Variants in ASTN2 observed in about 807,000 individuals in gnomAD.
ASTN2 encodes astrotactin-2.
In ASTN2, 54 loss-of-function variants were observed where a neutral mutation model predicts 139.8. The ratio of observed to expected loss-of-function variants is 0.39; its 90% confidence interval spans 0.31 to 0.48. The LOEUF is 0.48. Ranked by LOEUF, ASTN2 falls within the 20% of genes least tolerant of loss-of-function variation. The pLI is 0.95. For synonymous variants in ASTN2, 756 were observed against 719.5 expected (o/e 1.05, Z -0.81); for missense variants, 1,565 against 1,725.1 (o/e 0.91, Z 1.64).
At chr9:116,544,481 A>T (rs557938383) in intron 19 of ASTN2, among the ~76,000 whole-genome samples, 1 of 152,310 alleles carries the variant, frequency 6.6e-6, no homozygotes, top group South Asian at 2.1e-4. Context: ...TAAAATTTTT[A>T]GCAGTTATTT....
At chr9:117,001,153 G>T (rs1291557905) in intron 7 of ASTN2, among the ~76,000 whole-genome samples, 1 of 152,132 alleles carries the variant, frequency 6.6e-6, no homozygotes, top group Non-Finnish European at 1.5e-5. Context: ...TGTCACTTGG[G>T]AGAAAAAATT....
intron 3 of ASTN2, among the ~76,000 whole-genome samples, chr9:117,154,964 A>T (rs960680751): frequency 6.6e-6 from 1 of 152,064 alleles, no homozygotes; most frequent in African/African-American, 2.4e-5. Flanking sequence ...AGTGAGTGAC[A>T]TTATGGAGAG....
intron 11 of ASTN2, among the ~76,000 whole-genome samples, chr9:116,829,787 A>G (rs770342360): frequency 6.6e-6 from 1 of 152,222 alleles, no homozygotes; most frequent in Non-Finnish European, 1.5e-5. Flanking sequence ...AATCCAAATC[A>G]TATCACTGGT....
In ASTN2 at chr9:116,975,227, C is replaced by T. The variant is rs371978272; in HGVS notation, c.1870G>A (p.Glu624Lys). 24 of 1,612,424 alleles carry T rather than the reference C, an allele frequency of 1.5e-5. No individual in the cohort carries two copies. Among genetic ancestry groups the T allele is most frequent in the Non-Finnish European group, 2.0e-5 (24 of 1,179,162 alleles). Residue 624 changes from glutamate to lysine, a missense_variant, in exon 10 of 23, where the codon GAA (glutamate) becomes AAA (lysine). This residue lies in a region of ASTN2 where 503 missense variants were observed against 591.7 expected (regional missense o/e 0.85). Coordinates refer to ENST00000313400, the MANE Select transcript of ASTN2 (RefSeq NM_001365068.1). ...CCCTACCTGACATCTGCAGGGTCTT[C>T]CGTGACGAGCACATCGGTCTTGCAG... ...ASCKTDVLVT[E>K]DPADVREEAM...
At chr9:117,098,411 G>A (rs1481900819) in intron 4 of ASTN2, among the ~76,000 whole-genome samples, 1 of 152,138 alleles carries the variant, frequency 6.6e-6, no homozygotes, top group Non-Finnish European at 1.5e-5. Flanking sequence ...TCAGTTTAAG[G>A]CTCTGTAAAA....
chr9:116,824,512 CA>C (rs1831571911), intron 11 of ASTN2, among the ~76,000 whole-genome samples: 1 of 152,174 alleles, frequency 6.6e-6, no homozygotes. Context: ...GGCCTGCCAG[CA>C]AAACATGAGT....
intron 4 of ASTN2, among the ~76,000 whole-genome samples, chr9:117,103,041 C>T (rs916097014): frequency 1.3e-5 from 2 of 152,040 alleles, no homozygotes; most frequent in African/African-American, 4.8e-5. Flanking sequence ...GGAGTCCTAG[C>T]CCAGTGTGTG....
chr9:116,716,123 G>A (rs1249782641), intron 16 of ASTN2, among the ~76,000 whole-genome samples: 2 of 152,132 alleles, frequency 1.3e-5, no homozygotes, highest in East Asian at 3.8e-4. Context: ...GCTCCCTCAG[G>A]CCCTGCATCT....
At chr9:116,662,279 T>C (rs529169570) in intron 16 of ASTN2, among the ~76,000 whole-genome samples, 1 of 152,178 alleles carries the variant, frequency 6.6e-6, no homozygotes, top group African/African-American at 2.4e-5. Flanking sequence ...GTTGTTGAGA[T>C]TTAAGATAAC....
rs537710975 is a variant in ASTN2 at position 116,661,939 on chromosome 9, C to G, written c.2807-10146G>C. Among the ~76,000 whole-genome samples the G allele has an allele frequency of 9.9e-5, 15 of 151,414 alleles. No individual in the cohort carries two copies. The South Asian group carries it at 3.1e-3, about 32-fold the overall frequency. ...ATGATGAGTTAATGGGTGCAGCACA[C>G]CAACATGGCACATGTATACATATGT... On this transcript the variant is annotated intron_variant, in intron 16 of 22. Transcript: ENST00000313400.
chr9:117,087,479 T>TG (rs1828597750), intron 5 of ASTN2, among the ~76,000 whole-genome samples: 1 of 152,152 alleles, frequency 6.6e-6, no homozygotes, highest in Admixed American at 6.5e-5. Context: ...CCACCCACCC[T>TG]GGCCTCCCAA....
intron 2 of ASTN2, among the ~76,000 whole-genome samples, chr9:117,215,472 T>TATATATATATATA (rs1554792028): frequency 0.012 from 1,750 of 144,958 alleles, 32 homozygotes; most frequent in African/African-American, 0.022. Flanking sequence ...TCAACTGATA[T>TATATATATATATA]ATATATATAT....
chr9:117,281,266 A>C (rs997023140), intron 2 of ASTN2, among the ~76,000 whole-genome samples: 1 of 152,132 alleles, frequency 6.6e-6, no homozygotes, highest in African/African-American at 2.4e-5. Context: ...CCTCATTTAC[A>C]GCTCAGGAGA....
chr9:116,990,239 C>T (rs1836813972), intron 7 of ASTN2, among the ~76,000 whole-genome samples: 1 of 152,116 alleles, frequency 6.6e-6, no homozygotes, highest in African/African-American at 2.4e-5. Context: ...AATCAATTTC[C>T]CCCTTCCTTT....
intron 1 of ASTN2, among the ~76,000 whole-genome samples, chr9:117,354,509 A>G (rs1306459270): frequency 2.0e-5 from 3 of 152,172 alleles, no homozygotes; most frequent in Non-Finnish European, 4.4e-5. Context: ...GAGCCATGAA[A>G]ACTGAGTTAA....
intron 7 of ASTN2, among the ~76,000 whole-genome samples, chr9:117,004,295 T>C (rs996538256): frequency 1.3e-5 from 2 of 152,030 alleles, no homozygotes; most frequent in Non-Finnish European, 2.9e-5. Context: ...AATTTTCGTA[T>C]TTTTTTGTAG....
intron 13 of ASTN2, among the ~76,000 whole-genome samples, chr9:116,788,127 G>C (rs747042186): frequency 1.4e-4 from 21 of 152,154 alleles, no homozygotes; most frequent in Non-Finnish European, 3.1e-4. Context: ...ACTCGTATTA[G>C]AGAGTAGAAT....
At chr9:117,039,300 A>T (rs936809197) in intron 6 of ASTN2, among the ~76,000 whole-genome samples, 1 of 152,148 alleles carries the variant, frequency 6.6e-6, no homozygotes, top group Non-Finnish European at 1.5e-5. Flanking sequence ...AAAACTGGAA[A>T]CCATCATCCT....
At chr9:116,799,159 G>C (rs1830776133) in intron 13 of ASTN2, among the ~76,000 whole-genome samples, 2 of 152,066 alleles carry the variant, frequency 1.3e-5, no homozygotes, top group African/African-American at 4.8e-5. Context: ...CTCTTAGGAA[G>C]GCACTAGAAA....
Sources: gnomAD v4.1 joint callset for allele counts (sites outside exome capture counted in the v4.1 genomes callset) on GRCh38, gnomAD v4.1.1 for gene constraint, gnomAD v4.1.1 regional missense constraint, MANE v1.5 for transcripts, NCBI Gene and HGNC (gene_info 2026-07-23, HGNC 2026-07-21) for gene names.